LRRC4C: variants seen among roughly 807,000 people sequenced by gnomAD.
LRRC4C encodes the protein leucine rich repeat containing 4C, also known as leucine-rich repeat-containing protein 4C.
LRRC4C carries 5 observed loss-of-function variants against 33.6 expected under a neutral mutation model. The observed-to-expected ratio is 0.15, with a 90% CI of 0.08 to 0.31. LRRC4C has a LOEUF of 0.31. LRRC4C is among the 10% of genes least tolerant of loss of function. The probability of loss-of-function intolerance (pLI) is 1.00; values close to 1 mark genes in which losing one functional copy is unlikely to be tolerated. For missense variants in LRRC4C, 560 were observed against 796.7 expected (o/e 0.70, Z 3.58); for synonymous variants, 329 against 302.0 (o/e 1.09, Z -0.93).
chr11:41,173,792 C>T (rs1945080809), intron 1 of LRRC4C, among the ~76,000 whole-genome samples: 1 of 152,114 alleles, frequency 6.6e-6, no homozygotes, highest in Non-Finnish European at 1.5e-5. Context: ...ATCTCTCTAA[C>T]TTCAGTGCAT....
At chr11:40,647,867 C>A (rs1426118170) in intron 3 of LRRC4C, among the ~76,000 whole-genome samples, 3 of 152,172 alleles carry the variant, frequency 2.0e-5, no homozygotes, top group Non-Finnish European at 2.9e-5. Flanking sequence ...TTGACCCCTA[C>A]CCTTCTGCAT....
intron 1 of LRRC4C, among the ~76,000 whole-genome samples, chr11:41,374,299 G>A (rs1465282753): frequency 2.0e-5 from 3 of 152,076 alleles, no homozygotes; most frequent in Admixed American, 2.0e-4. Context: ...ATGATATTAT[G>A]AGTCTGTGCA....
intron 1 of LRRC4C, among the ~76,000 whole-genome samples, chr11:40,957,285 G>A (rs1310499675): frequency 5.3e-5 from 8 of 151,890 alleles, no homozygotes; most frequent in Middle Eastern, 3.4e-3. Flanking sequence ...GCAATTGTAG[G>A]TGACAGGCGG....
At chr11:41,437,532 C>A (rs1671581755) in intron 1 of LRRC4C, among the ~76,000 whole-genome samples, 1 of 152,102 alleles carries the variant, frequency 6.6e-6, no homozygotes, top group Admixed American at 6.6e-5. Context: ...TTCACAGAAC[C>A]TTCAAGCTTT....
At position 41,258,707 on chromosome 11, in the gene LRRC4C, A is replaced by G. The variant is rs560051122; in HGVS notation, c.-496+200724T>C. 6.6e-5 allele frequency among the ~76,000 whole-genome samples: 10 copies of G among 152,136 alleles called. No homozygotes were observed. In the South Asian group the frequency reaches 2.1e-3, roughly 32 times the overall value. ...AATGTAATTGACATAAAAATCAACT[A>G]GTTTCACTGGGATTAAATAAAACAT... On this transcript the variant is annotated intron_variant, in intron 1 of 6. Transcript: ENST00000528697.
At chr11:41,204,327 T>A (rs1017104849) in intron 1 of LRRC4C, among the ~76,000 whole-genome samples, 3 of 152,226 alleles carry the variant, frequency 2.0e-5, no homozygotes, top group African/African-American at 7.2e-5. Flanking sequence ...GAAACCAGCA[T>A]AATCTGGACT....
In LRRC4C at chr11:41,231,163, G is replaced by C. The variant is rs1195270734; in HGVS notation, c.-496+228268C>G. Among the ~76,000 whole-genome samples the C allele has an allele frequency of 2.6e-5, 4 of 152,222 alleles. No homozygotes were observed. The East Asian group carries it at 7.7e-4, about 29-fold the overall frequency. On this transcript the variant is annotated intron_variant, in intron 1 of 6. Coordinates refer to ENST00000528697, the MANE Select transcript of LRRC4C (RefSeq NM_001258419.2). ...AAATAGGAACACTTTTACACTGTTGGTGGGACTGTAAACTAGTTCAACCAC... is the reference window on the plus strand; with the variant it reads ...AAATAGGAACACTTTTACACTGTTGCTGGGACTGTAAACTAGTTCAACCAC...
chr11:40,466,683 C>T (rs2138241913), intron 3 of LRRC4C, among the ~76,000 whole-genome samples: 1 of 151,860 alleles, frequency 6.6e-6, no homozygotes, highest in African/African-American at 2.4e-5. Context: ...GAATTTGAAT[C>T]CAGCTCTTAA....
chr11:40,530,866 T>C (rs1020911850), intron 3 of LRRC4C, among the ~76,000 whole-genome samples: 1 of 152,174 alleles, frequency 6.6e-6, no homozygotes, highest in African/African-American at 2.4e-5. Context: ...CAGTCACAAG[T>C]ACAGGCTAAG....
chr11:41,134,033 T>C (rs1943143228), intron 1 of LRRC4C, among the ~76,000 whole-genome samples: 1 of 152,120 alleles, frequency 6.6e-6, no homozygotes, highest in African/African-American at 2.4e-5. Context: ...GCTTCTTGGG[T>C]TTGTGTTTTC....
chr11:40,875,749 A>G (rs1954853484), intron 2 of LRRC4C, among the ~76,000 whole-genome samples: 1 of 152,098 alleles, frequency 6.6e-6, no homozygotes, highest in Admixed American at 6.6e-5. Flanking sequence ...CAATTTTTCC[A>G]TGAACTCGGG....
intron 3 of LRRC4C, among the ~76,000 whole-genome samples, chr11:40,399,368 T>C (rs1278295225): frequency 6.6e-6 from 1 of 151,970 alleles, no homozygotes; most frequent in Non-Finnish European, 1.5e-5. Context: ...AAATGATGAG[T>C]TCATGTCCTT....
At chr11:40,842,049 G>T (rs1250004204) in intron 2 of LRRC4C, among the ~76,000 whole-genome samples, 4 of 152,176 alleles carry the variant, frequency 2.6e-5, no homozygotes, top group Admixed American at 2.6e-4. Flanking sequence ...TTGCACTTCA[G>T]GCTTGCATTA....
chr11:40,890,156 A>G (rs1475578816), intron 2 of LRRC4C, among the ~76,000 whole-genome samples: 1 of 152,172 alleles, frequency 6.6e-6, no homozygotes, highest in African/African-American at 2.4e-5. Context: ...GAAAAGGAAA[A>G]CACATACCCT....
At chr11:40,984,793 A>C (rs1243626464) in intron 1 of LRRC4C, among the ~76,000 whole-genome samples, 2 of 150,388 alleles carry the variant, frequency 1.3e-5, no homozygotes, top group Non-Finnish European at 3.0e-5. Context: ...CCCACTACTC[A>C]CTGATCCTGA....
intron 3 of LRRC4C, among the ~76,000 whole-genome samples, chr11:40,531,756 A>G (rs1235334462): frequency 6.6e-6 from 1 of 151,924 alleles, no homozygotes; most frequent in Non-Finnish European, 1.5e-5. Flanking sequence ...TTGTCAGCTG[A>G]ATCATCTTGA....
intron 3 of LRRC4C, among the ~76,000 whole-genome samples, chr11:40,438,670 T>C (rs2137932516): frequency 6.6e-6 from 1 of 152,318 alleles, no homozygotes; most frequent in African/African-American, 2.4e-5. Flanking sequence ...CACAGTATGT[T>C]AATGAGAGAT....
At chr11:40,447,784 T>A (rs565567449) in intron 3 of LRRC4C, among the ~76,000 whole-genome samples, 1 of 152,216 alleles carries the variant, frequency 6.6e-6, no homozygotes, top group Non-Finnish European at 1.5e-5. Context: ...CTGCCAAAGA[T>A]CCACACCAGC....
At chr11:40,954,849 G>A (rs1462574004) in intron 1 of LRRC4C, among the ~76,000 whole-genome samples, 1 of 151,758 alleles carries the variant, frequency 6.6e-6, no homozygotes, top group African/African-American at 2.4e-5. Flanking sequence ...ACTGGCTAGG[G>A]CATTCTTGGA....
Sources: gnomAD v4.1 joint callset for allele counts (sites outside exome capture counted in the v4.1 genomes callset) on GRCh38, gnomAD v4.1.1 for gene constraint, MANE v1.5 for transcripts, NCBI Gene and HGNC (gene_info 2026-07-23, HGNC 2026-07-21) for gene names.